Variants in RGS6 observed in about 807,000 individuals in gnomAD.
RGS6 encodes the protein regulator of G-protein signaling 6.
A neutral mutation model predicts 78.5 loss-of-function variants in RGS6; 30 were observed. The observed-to-expected ratio is 0.38, with a 90% CI of 0.29 to 0.52. The LOEUF is 0.52. Among genes scored for constraint, RGS6 ranks in the 20% least tolerant of loss-of-function variants. The pLI is 0.85. For synonymous variants in RGS6, 206 were observed against 206.0 expected (o/e 1.00, Z 0.00); for missense variants, 495 against 609.7 (o/e 0.81, Z 1.98).
intron 13 of RGS6, among the ~76,000 whole-genome samples, chr14:72,506,760 T>C (rs970877706): frequency 2.8e-4 from 42 of 152,014 alleles, no homozygotes; most frequent in African/African-American, 8.7e-4. Flanking sequence ...ATCTGACTTA[T>C]TTGGAAATAG....
chr14:72,463,545 C>A (rs2095833274), intron 6 of RGS6, among the ~76,000 whole-genome samples: 1 of 152,248 alleles, frequency 6.6e-6, no homozygotes, highest in South Asian at 2.1e-4. Context: ...ACTTCACAAC[C>A]CCGCTGTCCC....
intron 2 of RGS6, among the ~76,000 whole-genome samples, chr14:72,011,540 G>A (rs574579594): frequency 6.6e-6 from 1 of 151,434 alleles, no homozygotes; most frequent in African/African-American, 2.4e-5. Context: ...CAGGAGATTG[G>A]AAGGAATTCA....
chr14:72,181,816 A>G (rs188509742), intron 2 of RGS6, among the ~76,000 whole-genome samples: 2 of 152,340 alleles, frequency 1.3e-5, no homozygotes, highest in African/African-American at 4.8e-5. Flanking sequence ...CTATGTGCCT[A>G]ATAGAGTCAG....
intron 2 of RGS6, among the ~76,000 whole-genome samples, chr14:72,057,226 A>G (rs996454188): frequency 1.4e-5 from 2 of 143,212 alleles, no homozygotes; most frequent in East Asian, 4.5e-4. Flanking sequence ...AGGGAGGTGA[A>G]TTGCTTGAAC....
At chr14:72,038,377 G>A (rs1327006176) in intron 2 of RGS6, among the ~76,000 whole-genome samples, 3 of 152,076 alleles carry the variant, frequency 2.0e-5, no homozygotes, top group Admixed American at 1.3e-4. Flanking sequence ...GGCTATTCTT[G>A]TTTCTTTGCC....
intron 2 of RGS6, among the ~76,000 whole-genome samples, chr14:72,261,460 AGTG>A (rs2058140947): frequency 1.6e-5 from 1 of 61,164 alleles, no homozygotes; most frequent in African/African-American, 3.8e-5. Context: ...ACTTTTAGTA[AGTG>A]AGTGAGTCTT....
At chr14:72,008,042 T>C (rs1378962479) in intron 2 of RGS6, among the ~76,000 whole-genome samples, 3 of 152,164 alleles carry the variant, frequency 2.0e-5, no homozygotes, top group Non-Finnish European at 4.4e-5. Context: ...ACTCAAGATT[T>C]CAAAGGGTGA....
At chr14:72,096,683 G>C (rs2095415202) in intron 2 of RGS6, among the ~76,000 whole-genome samples, 1 of 152,146 alleles carries the variant, frequency 6.6e-6, no homozygotes, top group South Asian at 2.1e-4. Context: ...TATGGCTTAG[G>C]CTTGTCACAG....
intron 15 of RGS6, among the ~76,000 whole-genome samples, chr14:72,525,806 G>A (rs1208452802): frequency 6.6e-6 from 1 of 152,202 alleles, no homozygotes; most frequent in African/African-American, 2.4e-5. Flanking sequence ...TCTCATGCCA[G>A]ACATATTTTA....
At chr14:72,151,123 C>T (rs949736745) in intron 2 of RGS6, among the ~76,000 whole-genome samples, 3 of 152,290 alleles carry the variant, frequency 2.0e-5, no homozygotes, top group East Asian at 3.9e-4. Flanking sequence ...ACACGTAGAA[C>T]GAAGACCCGG....
At chr14:71,871,977 G>A in the RGS6 span, among the ~76,000 whole-genome samples, 3 of 152,190 alleles carry the variant, frequency 2.0e-5, no homozygotes, top group South Asian at 2.1e-4. Flanking sequence ...TGGGGGTGGA[G>A]GGGGTGGTGG....
intron 3 of RGS6, among the ~76,000 whole-genome samples, chr14:72,370,925 G>A (rs2083396597): frequency 6.6e-6 from 1 of 152,164 alleles, no homozygotes; most frequent in Non-Finnish European, 1.5e-5. Flanking sequence ...TGCCAATTGT[G>A]GTTTAAATAA....
At chr14:72,521,060 G>T (rs964604854) in intron 15 of RGS6, among the ~76,000 whole-genome samples, 12 of 152,164 alleles carry the variant, frequency 7.9e-5, no homozygotes, top group Non-Finnish European at 1.8e-4. Context: ...CTTTTCAGTC[G>T]ACAGAGCTAG....
intron 2 of RGS6, among the ~76,000 whole-genome samples, chr14:72,091,931 C>T (rs946367540): frequency 6.6e-6 from 1 of 152,202 alleles, no homozygotes; most frequent in African/African-American, 2.4e-5. Flanking sequence ...TGACAAATGA[C>T]ATACTTGGGC....
intron 2 of RGS6, among the ~76,000 whole-genome samples, chr14:72,068,884 CTATT>C (rs1306986032): frequency 6.6e-6 from 1 of 151,930 alleles, no homozygotes; most frequent in Non-Finnish European, 1.5e-5. Context: ...ATCATTTAGT[CTATT>C]TATTTACATT....
At chr14:71,929,890 A>C (rs1484283445), upstream of RGS6, among the ~76,000 whole-genome samples, 1 of 152,222 alleles carries the variant, frequency 6.6e-6, no homozygotes, top group Non-Finnish European at 1.5e-5. Context: ...AGATTTGGCC[A>C]ACAGGAACCC....
chr14:72,003,373 T>G (rs533842991), intron 2 of RGS6, among the ~76,000 whole-genome samples: 1 of 152,354 alleles, frequency 6.6e-6, no homozygotes, highest in East Asian at 1.9e-4. Context: ...TTAATCATTC[T>G]TAATGTACGG....
intron 13 of RGS6, among the ~76,000 whole-genome samples, chr14:72,498,851 T>A (rs1286761097): frequency 6.6e-6 from 1 of 152,196 alleles, no homozygotes; most frequent in Non-Finnish European, 1.5e-5. Context: ...GGCTTTCCCC[T>A]GAGCAGTTCA....
chr14:72,327,729 G>T (rs2074120635), intron 2 of RGS6, among the ~76,000 whole-genome samples: 1 of 152,134 alleles, frequency 6.6e-6, no homozygotes, highest in Non-Finnish European at 1.5e-5. Flanking sequence ...CCTGGGTTCT[G>T]TCCCTCCTGA....
Sources: allele counts gnomAD v4.1 joint callset (sites outside exome capture counted in the v4.1 genomes callset), GRCh38; gene constraint gnomAD v4.1.1; transcripts MANE v1.5; gene names NCBI Gene and HGNC (gene_info 2026-07-23, HGNC 2026-07-21).